Variants in ARHGAP20 observed in about 807,000 individuals in gnomAD.
ARHGAP20 encodes the protein rho GTPase-activating protein 20.
A neutral mutation model predicts 73.7 loss-of-function variants in ARHGAP20; 34 were observed. The ratio of observed to expected loss-of-function variants is 0.46; its 90% CI spans 0.35 to 0.61. The LOEUF (loss-of-function observed/expected upper bound fraction) is 0.61. Ranked by LOEUF, ARHGAP20 falls within the 20% of genes least tolerant of loss-of-function variation. ARHGAP20 has a pLI of 0.00. For synonymous variants in ARHGAP20, 523 were observed against 518.2 expected (o/e 1.01, Z -0.13); for missense variants, 1,314 against 1,420.9 (o/e 0.92, Z 1.21).
rs770038050 is a variant in ARHGAP20, at chr11:110,706,483, G to C, written c.105+5644C>G. Among the ~76,000 whole-genome samples, 24 of 152,168 alleles carry C rather than the reference G, an allele frequency of 1.6e-4. 1 individual carries two copies. In the South Asian group the frequency reaches 4.8e-3, roughly 30 times the overall value. On this transcript the variant is annotated intron_variant, in intron 1 of 14. Coordinates refer to ENST00000683387, the MANE Select transcript of ARHGAP20 (RefSeq NM_001384657.1). ...ATTCAAGTTCCTCCTCATGATATTT[G>C]ATATTTATGGCTTCCAATGATGACT...
At chr11:110,635,121 T>A (rs1356432342) in intron 2 of ARHGAP20, among the ~76,000 whole-genome samples, 2 of 152,090 alleles carry the variant, frequency 1.3e-5, no homozygotes, top group Non-Finnish European at 2.9e-5. Context: ...TTGAATAGCA[T>A]GGGTCACAGT....
At chr11:110,657,363 A>C (rs1447169194) in intron 2 of ARHGAP20, among the ~76,000 whole-genome samples, 2 of 152,174 alleles carry the variant, frequency 1.3e-5, no homozygotes, top group Non-Finnish European at 2.9e-5. Flanking sequence ...GAGAGGCAGA[A>C]ACCTAAAGAA....
At chr11:110,660,050 A>G (rs1315117217) in intron 2 of ARHGAP20, among the ~76,000 whole-genome samples, 1 of 142,342 alleles carries the variant, frequency 7.0e-6, no homozygotes, top group African/African-American at 2.8e-5. Context: ...AACTTAAAGT[A>G]TAATAAAAAA....
intron 3 of ARHGAP20, among the ~76,000 whole-genome samples, chr11:110,628,938 A>AACAAC (rs1468076597): frequency 6.6e-6 from 1 of 152,194 alleles, no homozygotes; most frequent in African/African-American, 2.4e-5. Context: ...ATTCCATAAA[A>AACAAC]ACAACTTACA....
At chr11:110,593,002 T>C (rs1370122161) in intron 9 of ARHGAP20, among the ~76,000 whole-genome samples, 1 of 151,994 alleles carries the variant, frequency 6.6e-6, no homozygotes, top group African/African-American at 2.4e-5. Flanking sequence ...AACAAAGTAC[T>C]AAAAGCATTC....
chr11:110,642,736 C>T (rs1949102565), intron 2 of ARHGAP20, among the ~76,000 whole-genome samples: 1 of 152,000 alleles, frequency 6.6e-6, no homozygotes, highest in African/African-American at 2.4e-5. Flanking sequence ...GGATATTGGC[C>T]TGTAGTTTTC....
intron 8 of ARHGAP20, among the ~76,000 whole-genome samples, chr11:110,607,395 T>A (rs1040661315): frequency 6.6e-6 from 1 of 152,150 alleles, no homozygotes; most frequent in African/African-American, 2.4e-5. Context: ...CAGAAACAGA[T>A]GCAAAAACGA....
intron 9 of ARHGAP20, among the ~76,000 whole-genome samples, chr11:110,594,493 A>G (rs12294782): frequency 0.019 from 2,883 of 152,322 alleles, 94 homozygotes; most frequent in African/African-American, 0.066. Context: ...CCCCACAAAG[A>G]GGACAACCTC....
chr11:110,689,760 A>G (rs956421716), intron 2 of ARHGAP20, among the ~76,000 whole-genome samples: 1 of 147,668 alleles, frequency 6.8e-6, no homozygotes, highest in African/African-American at 2.7e-5. Flanking sequence ...CGGTCTCATA[A>G]TAGACAGAAA....
chr11:110,585,131 G>C (rs1176961633), intron 12 of ARHGAP20, among the ~76,000 whole-genome samples: 1 of 151,016 alleles, frequency 6.6e-6, no homozygotes, highest in East Asian at 1.9e-4. Context: ...GAATATATGT[G>C]AATGTATATA....
At chr11:110,643,259 G>T (rs1949114165) in intron 2 of ARHGAP20, among the ~76,000 whole-genome samples, 1 of 151,932 alleles carries the variant, frequency 6.6e-6, no homozygotes, top group Non-Finnish European at 1.5e-5. Flanking sequence ...AGATTTTTAT[G>T]TCTCGATTTC....
At chr11:110,668,539 C>T (rs1298296245) in intron 2 of ARHGAP20, among the ~76,000 whole-genome samples, 1 of 151,958 alleles carries the variant, frequency 6.6e-6, no homozygotes, top group African/African-American at 2.4e-5. Context: ...GTCCCAGCTA[C>T]TCAGGAGGCT....
At chr11:110,637,587 T>C (rs1181724966) in intron 2 of ARHGAP20, among the ~76,000 whole-genome samples, 1 of 152,138 alleles carries the variant, frequency 6.6e-6, no homozygotes, top group Non-Finnish European at 1.5e-5. Flanking sequence ...TTATTTGTAA[T>C]AGTGATAAGG....
chr11:110,711,505 G>A (rs979393939), intron 1 of ARHGAP20, among the ~76,000 whole-genome samples: 2 of 150,058 alleles, frequency 1.3e-5, no homozygotes, highest in Admixed American at 6.7e-5. Flanking sequence ...CTCAAACTGT[G>A]ACCCCCACCT....
chr11:110,593,725 C>T (rs1947884354), intron 9 of ARHGAP20, among the ~76,000 whole-genome samples: 1 of 152,200 alleles, frequency 6.6e-6, no homozygotes, highest in Non-Finnish European at 1.5e-5. Context: ...AGTGGGAGCC[C>T]TAAATACTAT....
chr11:110,618,672 T>TA (rs934781633), intron 4 of ARHGAP20, among the ~76,000 whole-genome samples: 1 of 150,706 alleles, frequency 6.6e-6, no homozygotes, highest in African/African-American at 2.4e-5. Flanking sequence ...TATGCAGTGA[T>TA]AGAGTATATG....
At position 110,637,861 on chromosome 11, in the gene ARHGAP20, G is replaced by GAACA. The variant is rs1196382162; in HGVS notation, c.189-7070_189-7069insTGTT. 3.9e-5 allele frequency among the ~76,000 whole-genome samples: 6 copies of GAACA among 152,170 alleles called. No homozygotes were observed. The East Asian group carries it at 7.7e-4, about 20-fold the overall frequency. On this transcript the variant is annotated intron_variant, in intron 2 of 14. Coordinates refer to ENST00000683387, the MANE Select transcript of ARHGAP20 (RefSeq NM_001384657.1). ...ACAGAGAGACCAATGAAGGCTGAAG[G>GAACA]GCACTTTAAGAAGGAACAGCATGTC... is the stretch of plus-strand genomic sequence containing the variant.
At chr11:110,642,872 T>C (rs1036272840) in intron 2 of ARHGAP20, among the ~76,000 whole-genome samples, 2 of 152,138 alleles carry the variant, frequency 1.3e-5, no homozygotes, top group Non-Finnish European at 2.9e-5. Flanking sequence ...AACTCTTCTT[T>C]GTATGTCTGG....
At chr11:110,695,049 C>T (rs1007349818) in intron 1 of ARHGAP20, among the ~76,000 whole-genome samples, 13 of 151,520 alleles carry the variant, frequency 8.6e-5, no homozygotes, top group African/African-American at 3.1e-4. Flanking sequence ...ATAGTGTTGA[C>T]ACTTATCACT....
Sources: gnomAD v4.1 joint callset for allele counts (sites outside exome capture counted in the v4.1 genomes callset) on GRCh38, gnomAD v4.1.1 for gene constraint, MANE v1.5 for transcripts, NCBI Gene and HGNC (gene_info 2026-07-23, HGNC 2026-07-21) for gene names.